Variants in RAB38 observed in about 807,000 individuals in gnomAD.
RAB38 encodes the protein ras-related protein Rab-38.
In RAB38, 15 loss-of-function variants were observed where a neutral mutation model predicts 18.4. The ratio of observed to expected loss-of-function variants is 0.82; its 90% CI spans 0.55 to 1.26. RAB38 has a LOEUF of 1.26. Among genes scored for constraint, RAB38 ranks in the 50% most tolerant of loss-of-function variants. The probability of loss-of-function intolerance (pLI) is 0.00; values close to 1 mark genes in which losing one functional copy is unlikely to be tolerated. For synonymous variants in RAB38, 101 were observed against 104.4 expected (o/e 0.97, Z 0.20); for missense variants, 294 against 267.4 (o/e 1.10, Z -0.69).
chr11:88,073,037 C>G, the RAB38 span, among the ~76,000 whole-genome samples: 1 of 152,260 alleles, frequency 6.6e-6, no homozygotes, highest in Admixed American at 6.5e-5. Context: ...TGCTTGGCAC[C>G]AAACACAGAA....
the RAB38 span, among the ~76,000 whole-genome samples, chr11:87,821,524 T>C: frequency 2.0e-5 from 3 of 152,176 alleles, no homozygotes; most frequent in Non-Finnish European, 4.4e-5. Flanking sequence ...AGTAGTAAAT[T>C]TGTGACTAAG....
the RAB38 span, among the ~76,000 whole-genome samples, chr11:87,809,625 G>A: frequency 6.6e-6 from 1 of 151,926 alleles, no homozygotes; most frequent in Non-Finnish European, 1.5e-5. Flanking sequence ...GAATCTCAAA[G>A]ACAGTAGTTC....
the RAB38 span, among the ~76,000 whole-genome samples, chr11:87,868,452 T>C: frequency 1.3e-5 from 2 of 151,470 alleles, no homozygotes; most frequent in Admixed American, 1.3e-4. Context: ...TCTTTATGAA[T>C]TACCCAGCTT....
the RAB38 span, among the ~76,000 whole-genome samples, chr11:88,073,742 T>C: frequency 6.7e-6 from 1 of 150,260 alleles, no homozygotes; most frequent in Non-Finnish European, 1.5e-5. Context: ...AAATTCAAAA[T>C]AGTAGTTAAA....
chr11:88,104,152 T>A, the RAB38 span, among the ~76,000 whole-genome samples: 60 of 152,188 alleles, frequency 3.9e-4, no homozygotes, highest in East Asian at 0.011. Flanking sequence ...ATCTGCCAAG[T>A]TTTTTCCCTC....
At chr11:88,126,873 G>C (rs1273252123) in intron 2 of RAB38, among the ~76,000 whole-genome samples, 1 of 152,128 alleles carries the variant, frequency 6.6e-6, no homozygotes, top group Non-Finnish European at 1.5e-5. Context: ...AGTGAGAGGA[G>C]ATATATGAAA....
At chr11:87,810,382 A>C in the RAB38 span, among the ~76,000 whole-genome samples, 1 of 152,280 alleles carries the variant, frequency 6.6e-6, no homozygotes, top group Non-Finnish European at 1.5e-5. Flanking sequence ...CACCATGTCT[A>C]GCTCTAGAGC....
At chr11:87,923,783 T>C in the RAB38 span, among the ~76,000 whole-genome samples, 1 of 152,062 alleles carries the variant, frequency 6.6e-6, no homozygotes, top group African/African-American at 2.4e-5. Flanking sequence ...GCACAGATGC[T>C]GGCTCATTTA....
At chr11:87,858,849 CAATT>C in the RAB38 span, among the ~76,000 whole-genome samples, 1 of 150,786 alleles carries the variant, frequency 6.6e-6, no homozygotes, top group Admixed American at 6.6e-5. Flanking sequence ...AAAAAAATGA[CAATT>C]CATTCATAAA....
At chr11:87,938,660 T>G in the RAB38 span, among the ~76,000 whole-genome samples, 2 of 137,304 alleles carry the variant, frequency 1.5e-5, no homozygotes, top group African/African-American at 6.3e-5. Context: ...TGTTGTTGTT[T>G]TTTGTTTGCC....
chr11:87,956,419 C>T, the RAB38 span, among the ~76,000 whole-genome samples: 2 of 152,110 alleles, frequency 1.3e-5, no homozygotes, highest in Admixed American at 6.5e-5. Flanking sequence ...TTCTTGGGTC[C>T]TCGCCTCTTC....
the RAB38 span, among the ~76,000 whole-genome samples, chr11:87,949,830 T>G: frequency 1.3e-5 from 2 of 152,148 alleles, no homozygotes; most frequent in South Asian, 4.1e-4. Flanking sequence ...AGTTTTGGAG[T>G]AGGTGTGGTG....
At chr11:88,122,104 TC>T (rs1942638351) in intron 2 of RAB38, among the ~76,000 whole-genome samples, 1 of 152,140 alleles carries the variant, frequency 6.6e-6, no homozygotes, top group Non-Finnish European at 1.5e-5. Flanking sequence ...TAATCTGAGT[TC>T]AACATCCTCG....
At chr11:88,099,051 T>C in the RAB38 span, among the ~76,000 whole-genome samples, 1 of 151,936 alleles carries the variant, frequency 6.6e-6, no homozygotes, top group Non-Finnish European at 1.5e-5. Flanking sequence ...CCAAAGGAAA[T>C]AAAAATGTGT....
the RAB38 span, among the ~76,000 whole-genome samples, chr11:87,954,219 T>G: frequency 2.0e-5 from 3 of 152,186 alleles, no homozygotes; most frequent in Non-Finnish European, 4.4e-5. Context: ...TTGATTGTCC[T>G]TCTTGTGAGA....
At chr11:87,807,510 G>T in the RAB38 span, among the ~76,000 whole-genome samples, 1 of 152,112 alleles carries the variant, frequency 6.6e-6, no homozygotes, top group African/African-American at 2.4e-5. Context: ...AAGTAGTTCT[G>T]TTTCAGTCAG....
chr11:88,016,696 G>A, the RAB38 span, among the ~76,000 whole-genome samples: 1 of 152,030 alleles, frequency 6.6e-6, no homozygotes, highest in Non-Finnish European at 1.5e-5. Flanking sequence ...GTGTAAAAAT[G>A]TTTTCTTCCT....
At chr11:87,946,956 G>A in the RAB38 span, among the ~76,000 whole-genome samples, 4 of 151,138 alleles carry the variant, frequency 2.6e-5, no homozygotes, top group African/African-American at 9.8e-5. Context: ...GATCCCTGAG[G>A]AATCGCCACA....
Position 88,149,825 on chromosome 11 carries a change from C to T in RAB38, c.333G>A (p.Lys111=), listed in dbSNP as rs372563653. 2 of 1,614,108 alleles carry T rather than the reference C, an allele frequency of 1.2e-6. No homozygotes were observed. The highest frequency in any genetic ancestry group is 8.5e-7 in the Non-Finnish European group (1 of 1,180,032). Residue 111 remains lysine (K), a synonymous_variant, in exon 2 of 3, where the codon AAG becomes AAA. Transcript: ENST00000243662. ...CCGGTTTGCCATTAGGGAGACTTAACTTGGAGTCCAAATCATTTTTCCACT... is the reference window on the plus strand; with the variant it reads ...CCGGTTTGCCATTAGGGAGACTTAATTTGGAGTCCAAATCATTTTTCCACT... ...VAKWKNDLDS[K]LSLPNGKPVS... is the part of the protein sequence containing the mutation.
Sources: gnomAD v4.1 joint callset for allele counts (sites outside exome capture counted in the v4.1 genomes callset) on GRCh38, gnomAD v4.1.1 for gene constraint, MANE v1.5 for transcripts, NCBI Gene and HGNC (gene_info 2026-07-23, HGNC 2026-07-21) for gene names.